ZNF782: variants seen among roughly 807,000 people sequenced by gnomAD.
The protein encoded by ZNF782 is zinc finger protein 782.
Under a neutral mutation model 13.0 loss-of-function variants are expected in ZNF782, and 12 were observed. That is an observed-to-expected ratio of 0.92 (90% confidence interval 0.59 to 1.50). The LOEUF (loss-of-function observed/expected upper bound fraction) is 1.50. Among genes scored for constraint, ZNF782 ranks in the 40% most tolerant of loss-of-function variants. The pLI is 0.00. For synonymous variants in ZNF782, 284 were observed against 283.0 expected (o/e 1.00, Z -0.04); for missense variants, 770 against 822.9 (o/e 0.94, Z 0.79).
At chr9:96,902,114 G>C in the ZNF782 span, among the ~76,000 whole-genome samples, 147 of 151,972 alleles carry the variant, frequency 9.7e-4, no homozygotes, top group Non-Finnish European at 8.2e-4. Flanking sequence ...TTAGGAGAAC[G>C]GTCTATGAGG....
rs1421531064 is a variant in ZNF782, at chr9:96,818,909, CA to C, written c.1113del (p.Cys371TrpfsTer7). Reference protein sequence around the residue: ...IRAKPYEYNECGKSCSMNSHL... With the variant: ...IRAKPYEYNEXGKSCSMNSHL... Reference sequence around the variant, plus strand: ...TGTGAATTCATAGAGCAGGATTTCCCACATTCATTATACTCATAGGGTTTTG... The same window carrying C: ...TGTGAATTCATAGAGCAGGATTTCCCCATTCATTATACTCATAGGGTTTTG... On this transcript the variant is annotated frameshift_variant, in exon 6 of 6. Coordinates refer to ENST00000481138, the MANE Select transcript of ZNF782 (RefSeq NM_001001662.3). LOFTEE classifies it low-confidence loss of function (END_TRUNC). The C allele has an allele frequency of 1.9e-6, 3 of 1,614,054 alleles. No homozygotes were observed. Among genetic ancestry groups the C allele is most frequent in the Non-Finnish European group, 2.5e-6 (3 of 1,180,042 alleles).
At chr9:96,894,996 T>C in the ZNF782 span, 1 of 152,198 alleles carries the variant, frequency 6.6e-6, no homozygotes, top group Non-Finnish European at 1.5e-5. Flanking sequence ...GGTGCTGGGA[T>C]TATAGGTGTG....
At chr9:96,925,068 C>A in the ZNF782 span, among the ~76,000 whole-genome samples, 2 of 152,194 alleles carry the variant, frequency 1.3e-5, no homozygotes, top group Non-Finnish European at 2.9e-5. Flanking sequence ...GCCATGAGAG[C>A]TAAGGCCGTT....
intron 4 of ZNF782, among the ~76,000 whole-genome samples, chr9:96,836,590 G>A (rs74703912): frequency 0.05 from 7,659 of 152,166 alleles, 556 homozygotes; most frequent in African/African-American, 0.16. Context: ...GGGACTAGTG[G>A]GATGGAATAT....
At chr9:96,921,696 A>G in the ZNF782 span, among the ~76,000 whole-genome samples, 1 of 136,340 alleles carries the variant, frequency 7.3e-6, no homozygotes, top group African/African-American at 2.7e-5. Flanking sequence ...CCCCATCTCT[A>G]TTTTTTTTTT....
chr9:96,921,988 G>A, the ZNF782 span, among the ~76,000 whole-genome samples: 6 of 151,254 alleles, frequency 4.0e-5, no homozygotes, highest in African/African-American at 4.8e-5. Flanking sequence ...CACTGCACCC[G>A]GCTGATAATT....
the ZNF782 span, among the ~76,000 whole-genome samples, chr9:96,896,967 C>T: frequency 1.3e-5 from 2 of 152,204 alleles, no homozygotes; most frequent in African/African-American, 2.4e-5. Flanking sequence ...GTGGAGACTG[C>T]TCAAGCATGG....
At chr9:96,930,251 G>A in the ZNF782 span, among the ~76,000 whole-genome samples, 3 of 152,174 alleles carry the variant, frequency 2.0e-5, no homozygotes, top group Non-Finnish European at 2.9e-5. Flanking sequence ...CTGGCCGGGC[G>A]CGGTGGCTCA....
chr9:96,886,922 GAAA>G, the ZNF782 span, among the ~76,000 whole-genome samples: 1 of 84,746 alleles, frequency 1.2e-5, no homozygotes, highest in Admixed American at 1.3e-4. Flanking sequence ...ACTCCCTCTC[GAAA>G]AAAAAAAAAA....
the ZNF782 span, among the ~76,000 whole-genome samples, chr9:96,918,201 C>A: frequency 6.6e-6 from 1 of 150,944 alleles, no homozygotes; most frequent in African/African-American, 2.4e-5. Context: ...AGGAGTTCAA[C>A]GCCAGCCTGG....
chr9:96,832,018 T>G (rs1006990268), intron 4 of ZNF782, among the ~76,000 whole-genome samples: 1 of 152,154 alleles, frequency 6.6e-6, no homozygotes, highest in Non-Finnish European at 1.5e-5. Flanking sequence ...AGCTGCCATT[T>G]TATTTGTTTT....
At chr9:96,831,465 T>G (rs1483596128) in intron 4 of ZNF782, among the ~76,000 whole-genome samples, 11 of 152,072 alleles carry the variant, frequency 7.2e-5, no homozygotes. Context: ...ATCCCAGCAC[T>G]TTGGGAGGCC....
chr9:96,838,079 C>T (rs1042520350), intron 4 of ZNF782, among the ~76,000 whole-genome samples: 7 of 152,124 alleles, frequency 4.6e-5, no homozygotes, highest in African/African-American at 1.7e-4. Flanking sequence ...ATTGCTTTAG[C>T]TGCATTTCAC....
At chr9:96,872,822 G>A (rs192632404) in intron 1 of ZNF782, among the ~76,000 whole-genome samples, 44 of 152,244 alleles carry the variant, frequency 2.9e-4, no homozygotes, top group South Asian at 6.2e-4. Flanking sequence ...TGAATAGTTG[G>A]TTATTGTGTC....
chr9:96,874,942 G>A (rs968629225), intron 1 of ZNF782, among the ~76,000 whole-genome samples: 2 of 152,194 alleles, frequency 1.3e-5, no homozygotes, highest in Non-Finnish European at 1.5e-5. Context: ...CAACGGATCT[G>A]ACCAGACACT....
the ZNF782 span, among the ~76,000 whole-genome samples, chr9:96,925,569 AG>A: frequency 7.0e-6 from 1 of 143,234 alleles, no homozygotes; most frequent in African/African-American, 2.6e-5. Flanking sequence ...CAGGAGGCGG[AG>A]GCTGCAGTGA....
intron 1 of ZNF782, among the ~76,000 whole-genome samples, chr9:96,863,028 T>G (rs975882032): frequency 2.0e-5 from 3 of 152,204 alleles, no homozygotes; most frequent in Admixed American, 6.5e-5. Flanking sequence ...CAATGCTATT[T>G]GTGAACGCAG....
the ZNF782 span, among the ~76,000 whole-genome samples, chr9:96,905,451 T>C: frequency 6.6e-6 from 1 of 151,852 alleles, no homozygotes; most frequent in East Asian, 1.9e-4. Context: ...CCCACCCCTT[T>C]CCCAGAAAAC....
chr9:96,847,301 A>G (rs1379416391), intron 3 of ZNF782, among the ~76,000 whole-genome samples: 1 of 152,186 alleles, frequency 6.6e-6, no homozygotes, highest in Admixed American at 6.5e-5. Flanking sequence ...ACCCAAAGCT[A>G]GCAGGACAAA....
Sources: allele counts gnomAD v4.1 joint callset (sites outside exome capture counted in the v4.1 genomes callset), GRCh38; gene constraint gnomAD v4.1.1; transcripts MANE v1.5; gene names NCBI Gene and HGNC (gene_info 2026-07-23, HGNC 2026-07-21).